PROS1: variants seen among roughly 807,000 people sequenced by gnomAD.
PROS1 encodes the protein protein S, also known as vitamin K-dependent protein S.
In PROS1, 29 loss-of-function variants were observed where a neutral mutation model predicts 75.9. The observed-to-expected ratio is 0.38, with a 90% CI of 0.28 to 0.52. The LOEUF is 0.52. Ranked by LOEUF, PROS1 falls within the 20% of genes least tolerant of loss-of-function variation. The pLI is 0.83. For synonymous variants in PROS1, 245 were observed against 280.6 expected (o/e 0.87, Z 1.27); for missense variants, 680 against 810.3 (o/e 0.84, Z 1.95).
At position 93,962,953 on chromosome 3, in the gene PROS1, T is replaced by C. The variant is rs780866816; in HGVS notation, c.76+10721A>G. 3.3e-5 allele frequency among the ~76,000 whole-genome samples: 5 copies of C among 152,348 alleles called. 1 individual carries two copies. The highest frequency in any genetic ancestry group is 6.8e-3 in the Middle Eastern group (2 of 294). The stretch of plus-strand genomic sequence containing the variant: ...GAGTCGAAAGGCTGCCAAATATAGA[T>C]GGGAACCATAGTAAGAGAATGCTCT... On this transcript the variant is annotated intron_variant, in intron 1 of 14. Coordinates refer to ENST00000394236, the MANE Select transcript of PROS1 (RefSeq NM_000313.4).
intron 8 of PROS1, among the ~76,000 whole-genome samples, chr3:93,897,530 T>C (rs1222031296): frequency 6.6e-6 from 1 of 152,056 alleles, no homozygotes; most frequent in African/African-American, 2.4e-5. Flanking sequence ...AAAATAGATG[T>C]TCACACAGCA....
At chr3:93,875,625 T>C in intron 14 of PROS1, among the ~76,000 whole-genome samples, 1 of 2,106 alleles carries the variant, frequency 4.7e-4, no homozygotes. Flanking sequence ...ACTACTTACC[T>C]CTATCTATCT....
intron 7 of PROS1, among the ~76,000 whole-genome samples, chr3:93,900,177 C>A (rs1237814855): frequency 2.6e-5 from 4 of 152,176 alleles, no homozygotes; most frequent in Non-Finnish European, 4.4e-5. Context: ...CTTCCTGATG[C>A]ACACAGGGCA....
rs1576170541 is a variant in PROS1 at position 93,874,303 on chromosome 3, T to C, written c.1973A>G (p.His658Arg). 3 of 1,613,522 alleles carry C rather than the reference T, an allele frequency of 1.9e-6. 1 individual carries two copies. In the South Asian group the frequency reaches 3.3e-5, roughly 18 times the overall value. The change falls in exon 15 of 15, where the codon CAT becomes CGT. Residue 658 changes from histidine (H) to arginine (R), a missense_variant. Physicochemically the swap from His to Arg is conservative, Grantham distance 29 (BLOSUM62 0). Transcript: ENST00000394236. ...ACATGAGTGAGCTCTAATATCATTA[T>C]GTTTAGAAATGGCTTCATCCAGATC... ...QLDLDEAISK[H>R]NDIRAHSCPS...
intron 1 of PROS1, among the ~76,000 whole-genome samples, chr3:93,954,057 C>A (rs533593441): frequency 2.0e-5 from 3 of 152,252 alleles, no homozygotes; most frequent in African/African-American, 7.2e-5. Context: ...CAAACCCCTG[C>A]TCAACGAAAT....
At chr3:93,935,482 C>T (rs1455061358) in intron 1 of PROS1, among the ~76,000 whole-genome samples, 3 of 152,026 alleles carry the variant, frequency 2.0e-5, no homozygotes, top group East Asian at 3.9e-4. Flanking sequence ...TGGGTCTGTA[C>T]TTATGTTTGG....
Position 93,879,300 on chromosome 3 carries a change from C to G in PROS1, c.1507G>C (p.Ala503Pro). ...FHIDYNNVSSAEGWHVNVTLN... is the reference protein window; with the variant it reads ...FHIDYNNVSSPEGWHVNVTLN... ...GTCACATTTACATGCCAACCCTCAGCACTGGATACATTATCTATTTAAAAT... is the reference window on the plus strand; with the variant it reads ...GTCACATTTACATGCCAACCCTCAGGACTGGATACATTATCTATTTAAAAT... The change falls in exon 13 of 15, where the codon GCT (alanine) becomes CCT (proline). Residue 503 changes from alanine to proline, a missense_variant. Coordinates refer to ENST00000394236, the MANE Select transcript of PROS1 (RefSeq NM_000313.4). The G allele has an allele frequency of 1.2e-6, 2 of 1,613,976 alleles. No homozygotes were observed. The highest frequency in any genetic ancestry group is 1.7e-6 in the Non-Finnish European group (2 of 1,179,880).
At chr3:93,887,852 T>C (rs1419388711) in intron 10 of PROS1, among the ~76,000 whole-genome samples, 2 of 152,150 alleles carry the variant, frequency 1.3e-5, no homozygotes, top group Non-Finnish European at 2.9e-5. Flanking sequence ...TCCAGGGCAT[T>C]TGGAAAATTT....
At chr3:93,919,038 AC>A (rs1368968866) in intron 3 of PROS1, among the ~76,000 whole-genome samples, 1 of 152,168 alleles carries the variant, frequency 6.6e-6, no homozygotes, top group Non-Finnish European at 1.5e-5. Context: ...ACTAAGTGTT[AC>A]ACCACAGTAT....
chr3:93,904,372 G>C (rs1201078486), intron 6 of PROS1, among the ~76,000 whole-genome samples: 13 of 152,074 alleles, frequency 8.5e-5, no homozygotes, highest in Non-Finnish European at 1.6e-4. Flanking sequence ...CCTTCAAATA[G>C]GCAGATAAGA....
intron 3 of PROS1, among the ~76,000 whole-genome samples, chr3:93,918,515 C>T (rs1215923314): frequency 6.6e-6 from 1 of 152,058 alleles, no homozygotes; most frequent in South Asian, 2.1e-4. Flanking sequence ...CCTGAGCCAG[C>T]GAGACCACAA....
chr3:93,918,294 C>G (rs1207124317), intron 3 of PROS1, among the ~76,000 whole-genome samples: 9 of 152,148 alleles, frequency 5.9e-5, no homozygotes, highest in Non-Finnish European at 7.4e-5. Context: ...ACAGACCACT[C>G]GCTCTATCAA....
At chr3:93,886,967 G>T (rs1258642609) in intron 10 of PROS1, among the ~76,000 whole-genome samples, 1 of 148,574 alleles carries the variant, frequency 6.7e-6, no homozygotes, top group Non-Finnish European at 1.5e-5. Context: ...GCCAGACTGC[G>T]GACTGCAGTG....
chr3:93,892,333 A>C (rs1708441737), intron 10 of PROS1, among the ~76,000 whole-genome samples: 2 of 151,258 alleles, frequency 1.3e-5, no homozygotes, highest in East Asian at 2.0e-4. Flanking sequence ...TGTCTCAAAA[A>C]AAAAAAATAT....
intron 9 of PROS1, among the ~76,000 whole-genome samples, chr3:93,895,028 A>G (rs1171737553): frequency 6.6e-6 from 1 of 152,164 alleles, no homozygotes; most frequent in Non-Finnish European, 1.5e-5. Context: ...ACAGATGCTC[A>G]AGTCCCTTAT....
intron 10 of PROS1, among the ~76,000 whole-genome samples, chr3:93,891,030 A>C (rs1231051852): frequency 1.3e-5 from 2 of 152,146 alleles, no homozygotes; most frequent in Non-Finnish European, 2.9e-5. Context: ...ACCTGAACCC[A>C]GGAGGTAGAA....
intron 1 of PROS1, among the ~76,000 whole-genome samples, chr3:93,936,379 A>C (rs1434573061): frequency 6.6e-6 from 1 of 152,206 alleles, no homozygotes; most frequent in African/African-American, 2.4e-5. Context: ...CCATGTAACA[A>C]ACCTGCACAT....
At chr3:93,952,612 C>T (rs1413989125) in intron 1 of PROS1, among the ~76,000 whole-genome samples, 1 of 152,134 alleles carries the variant, frequency 6.6e-6, no homozygotes, top group African/African-American at 2.4e-5. Flanking sequence ...ACTAAAGGCT[C>T]ACAAAAGAAA....
rs1438246752 is a variant in PROS1, at chr3:93,887,582, A to G, written c.1156-1079T>C. Among the ~76,000 whole-genome samples, 3 of 152,266 alleles carry G rather than the reference A, an allele frequency of 2.0e-5. No individual in the cohort carries two copies. In the East Asian group the frequency reaches 5.8e-4, roughly 29 times the overall value. On this transcript the variant is annotated intron_variant, in intron 10 of 14. Coordinates refer to ENST00000394236, the MANE Select transcript of PROS1 (RefSeq NM_000313.4). ...GGGAAAAACTATCCTCCAACATAAAATAAATTTAGTTACACAAATTTAAAG... is the reference window on the plus strand; with the variant it reads ...GGGAAAAACTATCCTCCAACATAAAGTAAATTTAGTTACACAAATTTAAAG...
Sources: gnomAD v4.1 joint callset for allele counts (sites outside exome capture counted in the v4.1 genomes callset) on GRCh38, gnomAD v4.1.1 for gene constraint, MANE v1.5 for transcripts, NCBI Gene and HGNC (gene_info 2026-07-23, HGNC 2026-07-21) for gene names.